Variants in ZNF841 observed in about 807,000 individuals in gnomAD.
ZNF841 encodes TCONS_00006091.
Under a neutral mutation model 13.0 loss-of-function variants are expected in ZNF841, and 11 were observed. The observed-to-expected ratio is 0.85, with a 90% CI of 0.53 to 1.40. ZNF841 has a LOEUF of 1.40. Among genes scored for constraint, ZNF841 ranks in the 40% most tolerant of loss-of-function variants. The pLI is 0.00. For synonymous variants in ZNF841, 369 were observed against 381.6 expected, an observed-to-expected ratio of 0.97 and a Z score of 0.38; for missense variants, 1,068 against 1,139.5, an observed-to-expected ratio of 0.94 and a Z score of 0.90.
At chr19:52,080,920 G>A (rs1250597774) in intron 4 of ZNF841, among the ~76,000 whole-genome samples, 1 of 152,148 alleles carries the variant, frequency 6.6e-6, no homozygotes, top group African/African-American at 2.4e-5. Context: ...AAATAGGGAA[G>A]TGCCAAAAGA....
Position 52,065,823 on chromosome 19 carries a change from CA to C in ZNF841, c.2058del (p.Phe686LeufsTer128), listed in dbSNP as rs1236161970. ...TTTGAACTTTGGATAAAAGCCTCAC[CA>C]AATTCATTACAGTGGTAAGGGTTCT... ...TGENPYHCNE[F>X]GEAFIQSSKL... On this transcript the variant is annotated frameshift_variant, in exon 7 of 7. Transcript: ENST00000594440. LOFTEE classifies it low-confidence loss of function (END_TRUNC). 6.2e-6 allele frequency: 10 copies of C among 1,613,420 alleles called. No individual in the cohort carries two copies. The highest frequency in any genetic ancestry group is 7.6e-6 in the Non-Finnish European group (9 of 1,179,578).
chr19:52,066,074 C>T lies in ZNF841; in HGVS notation c.1808G>A (p.Gly603Asp). ...GEKPYKCNVC[G>D]KVFIDSGNLS... ...GTTTCCACTGTCAATGAAGACCTTG[C>T]CACACACATTACATTTGTAAGGTTT... is the stretch of plus-strand genomic sequence containing the variant. Residue 603 changes from glycine to aspartate, a missense_variant, in exon 7 of 7, where the codon GGC becomes GAC. Transcript: ENST00000594440. 6.2e-7 allele frequency: 1 copy of T among 1,614,130 alleles called. No homozygotes were observed. The highest frequency in any genetic ancestry group is 8.5e-7 in the Non-Finnish European group (1 of 1,179,984).
chr19:52,084,461 C>CT lies in ZNF841; in HGVS notation c.15+325dup, dbSNP rs1321474971. Reference sequence around the variant, plus strand: ...TTCTCTACTCCTGGTCTACTGAGAGCTGACAGTGCATTCAGATGTTGCCCC... The same window carrying CT: ...TTCTCTACTCCTGGTCTACTGAGAGCTTGACAGTGCATTCAGATGTTGCCCC... On this transcript the variant is annotated intron_variant, in intron 4 of 6. Coordinates refer to ENST00000594440, the MANE Select transcript of ZNF841 (RefSeq NM_001136499.2). 2.6e-5 allele frequency among the ~76,000 whole-genome samples: 4 copies of CT among 152,186 alleles called. No individual in the cohort carries two copies. In the East Asian group the frequency reaches 5.8e-4, roughly 22 times the overall value.
chr19:52,082,030 G>A (rs761028744), intron 4 of ZNF841, among the ~76,000 whole-genome samples: 2 of 152,126 alleles, frequency 1.3e-5, no homozygotes, highest in African/African-American at 2.4e-5. Flanking sequence ...AATAAAGAGA[G>A]TCTAAAGGGC....
chr19:52,062,873 T>A (rs1475014472), downstream of ZNF841, among the ~76,000 whole-genome samples: 1 of 53,480 alleles, frequency 1.9e-5, no homozygotes, highest in African/African-American at 4.8e-5. Flanking sequence ...GTTGAGAAAT[T>A]TTTTTTTTTT....
At chr19:52,077,874 A>G (rs1196555524) in intron 4 of ZNF841, among the ~76,000 whole-genome samples, 1 of 152,206 alleles carries the variant, frequency 6.6e-6, no homozygotes, top group Non-Finnish European at 1.5e-5. Context: ...GATGTCGCTG[A>G]GGGCTAATCC....
At position 52,080,440 on chromosome 19, in the gene ZNF841, T is replaced by C. The variant is rs533519482; in HGVS notation, c.16-3356A>G. Among the ~76,000 whole-genome samples, 3 of 152,184 alleles carry C rather than the reference T, an allele frequency of 2.0e-5. No homozygotes were observed. In the East Asian group the frequency reaches 5.8e-4, roughly 29 times the overall value. On this transcript the variant is annotated intron_variant, in intron 4 of 6. Transcript: ENST00000594440. ...CAGAGATCCAGCCCCTGCCATGCAC[T>C]GGGGTAACAGAAAAGAAACCCACAA... is the stretch of plus-strand genomic sequence containing the variant.
chr19:52,059,370 A>AAAAAT, the ZNF841 span, among the ~76,000 whole-genome samples: 2 of 69,644 alleles, frequency 2.9e-5, no homozygotes, highest in African/African-American at 1.6e-4. Context: ...AAAAAAAAAA[A>AAAAAT]ATATATATAT....
intron 6 of ZNF841, among the ~76,000 whole-genome samples, chr19:52,069,597 G>T (rs544763024): frequency 1.9e-4 from 29 of 152,324 alleles, no homozygotes; most frequent in African/African-American, 6.7e-4. Flanking sequence ...ATTTGGAAGT[G>T]TGGTCTTTGG....
At chr19:52,070,040 G>A (rs1007076758) in intron 6 of ZNF841, among the ~76,000 whole-genome samples, 8 of 152,106 alleles carry the variant, frequency 5.3e-5, no homozygotes, top group African/African-American at 1.9e-4. Flanking sequence ...TAACAAACAA[G>A]CACACTAAAT....
At chr19:52,069,263 T>C (rs2087675446) in intron 6 of ZNF841, among the ~76,000 whole-genome samples, 1 of 152,082 alleles carries the variant, frequency 6.6e-6, no homozygotes, top group African/African-American at 2.4e-5. Flanking sequence ...TTGGTAGAGA[T>C]GAGGTTTTGC....
chr19:52,073,846 A>G (rs1198642146), intron 6 of ZNF841, among the ~76,000 whole-genome samples: 1 of 152,244 alleles, frequency 6.6e-6, no homozygotes, highest in Non-Finnish European at 1.5e-5. Context: ...CAATTTGAAC[A>G]AAACCCAGCA....
At chr19:52,087,885 C>A (rs2088332897) in intron 3 of ZNF841, among the ~76,000 whole-genome samples, 1 of 152,006 alleles carries the variant, frequency 6.6e-6, no homozygotes, top group Non-Finnish European at 1.5e-5. Context: ...CCCCCGAATA[C>A]TGGCACCACT....
chr19:52,078,496 G>A (rs1383824861), intron 4 of ZNF841, among the ~76,000 whole-genome samples: 1 of 151,924 alleles, frequency 6.6e-6, no homozygotes, highest in African/African-American at 2.4e-5. Context: ...TCAGGAGATC[G>A]AGACCATCCT....
At chr19:52,070,726 G>A (rs545367607) in intron 6 of ZNF841, among the ~76,000 whole-genome samples, 18 of 152,306 alleles carry the variant, frequency 1.2e-4, no homozygotes, top group Non-Finnish European at 2.1e-4. Context: ...TCAGCCATCC[G>A]TCATGAATAA....
At chr19:52,084,989 CA>C in intron 3 of ZNF841, 111 bp from the exon 4 acceptor site, 3 of 597,696 alleles carry the variant, frequency 5.0e-6, no homozygotes, top group South Asian at 2.2e-5. Flanking sequence ...CCCAGTGCAC[CA>C]GGGGGATGCA....
downstream of ZNF841, among the ~76,000 whole-genome samples, chr19:52,061,784 G>A (rs1453223642): frequency 6.6e-6 from 1 of 152,110 alleles, no homozygotes; most frequent in East Asian, 1.9e-4. Flanking sequence ...GACCTCAGGT[G>A]ATCTGCCCAG....
downstream of ZNF841, chr19:52,064,390 CTT>C (rs1039298584): frequency 4.2e-5 from 3 of 71,682 alleles, 1 homozygote; most frequent in East Asian, 4.5e-4. Context: ...AAAAAAAAAA[CTT>C]AGCTATATTC....
At chr19:52,079,639 G>A (rs1600094652) in intron 4 of ZNF841, among the ~76,000 whole-genome samples, 1 of 152,146 alleles carries the variant, frequency 6.6e-6, no homozygotes, top group Non-Finnish European at 1.5e-5. Context: ...GAAAAGGTGG[G>A]AGGGAAAAAG....
Sources: gnomAD v4.1 joint callset for allele counts (sites outside exome capture counted in the v4.1 genomes callset) on GRCh38, gnomAD v4.1.1 for gene constraint, MANE v1.5 for transcripts, NCBI Gene and HGNC (gene_info 2026-07-23, HGNC 2026-07-21) for gene names.